Variants in CNTNAP2 observed in about 807,000 individuals in gnomAD.
CNTNAP2 encodes contactin associated protein 2, also known as contactin-associated protein-like 2.
Under a neutral mutation model 155.2 loss-of-function variants are expected in CNTNAP2, and 98 were observed. That is an observed-to-expected ratio of 0.63 (90% CI 0.54 to 0.75). The LOEUF (loss-of-function observed/expected upper bound fraction) is 0.75. Ranked by LOEUF, CNTNAP2 falls within the 30% of genes least tolerant of loss-of-function variation. The probability of loss-of-function intolerance (pLI) is 0.00; values close to 1 mark genes in which losing one functional copy is unlikely to be tolerated. For synonymous variants in CNTNAP2, 651 were observed against 631.2 expected (o/e 1.03, Z -0.47); for missense variants, 1,727 against 1,688.1 (o/e 1.02, Z -0.40).
intron 14 of CNTNAP2, among the ~76,000 whole-genome samples, chr7:147,921,160 G>A (rs935541289): frequency 2.6e-5 from 4 of 151,790 alleles, no homozygotes; most frequent in Admixed American, 6.6e-5. Context: ...TAATGAAGAC[G>A]TTATTTATTT....
chr7:147,860,435 A>C (rs1048738520), intron 13 of CNTNAP2, among the ~76,000 whole-genome samples: 2 of 151,882 alleles, frequency 1.3e-5, no homozygotes, highest in African/African-American at 2.4e-5. Flanking sequence ...ACAACAACAA[A>C]AAAAATTAGC....
intron 13 of CNTNAP2, among the ~76,000 whole-genome samples, chr7:147,772,571 C>G (rs558480202): frequency 6.7e-6 from 1 of 148,220 alleles, no homozygotes; most frequent in Non-Finnish European, 1.5e-5. Flanking sequence ...CTGCACAGTT[C>G]CAGTACGTGA....
chr7:147,824,966 G>A (rs1324681271), intron 13 of CNTNAP2, among the ~76,000 whole-genome samples: 1 of 152,138 alleles, frequency 6.6e-6, no homozygotes, highest in African/African-American at 2.4e-5. Flanking sequence ...GTGGACTCAA[G>A]TAATGGAAAG....
chr7:147,016,421 C>A (rs1226207268), intron 3 of CNTNAP2, among the ~76,000 whole-genome samples: 1 of 151,968 alleles, frequency 6.6e-6, no homozygotes, highest in Admixed American at 6.6e-5. Flanking sequence ...ATGATAGAGT[C>A]TTCTGTAGAA....
chr7:146,525,569 T>TATCTATC (rs1439822838), intron 1 of CNTNAP2, among the ~76,000 whole-genome samples: 3 of 142,182 alleles, frequency 2.1e-5, no homozygotes, highest in Admixed American at 2.0e-4. Flanking sequence ...TCTATCTATC[T>TATCTATC]ATCTATCTCT....
chr7:148,018,656 C>T (rs75351691), intron 15 of CNTNAP2, among the ~76,000 whole-genome samples: 5,825 of 152,216 alleles, frequency 0.038, 241 homozygotes, highest in East Asian at 0.24. Flanking sequence ...GCAAAAGTGA[C>T]CGGGATCAAG....
chr7:147,860,782 T>C (rs1341946680), intron 13 of CNTNAP2, among the ~76,000 whole-genome samples: 4 of 152,146 alleles, frequency 2.6e-5, no homozygotes, highest in Non-Finnish European at 4.4e-5. Context: ...AGGTCATTCA[T>C]GGCAGTGTGA....
rs553598310 is a variant in CNTNAP2 at position 146,933,036 on chromosome 7, C to A, written c.402+93132C>A. Among the ~76,000 whole-genome samples, 994 of 152,158 alleles carry A rather than the reference C, an allele frequency of 6.5e-3. 18 individuals are homozygous for A. Among genetic ancestry groups the A allele is most frequent in the African/African-American group, 0.022 (932 of 41,498 alleles). On this transcript the variant is annotated intron_variant, in intron 3 of 23. Coordinates refer to ENST00000361727, the MANE Select transcript of CNTNAP2 (RefSeq NM_014141.6). ...CCCAAGGTAATTTATAGATTCAATG[C>A]CATCCCCATCAAGCTATCAATGACT... is the stretch of plus-strand genomic sequence containing the variant.
intron 3 of CNTNAP2, among the ~76,000 whole-genome samples, chr7:146,994,813 G>C (rs1228762306): frequency 6.6e-6 from 1 of 151,926 alleles, no homozygotes; most frequent in African/African-American, 2.4e-5. Flanking sequence ...GATGTTTTTG[G>C]TGAACAAATA....
intron 10 of CNTNAP2, among the ~76,000 whole-genome samples, chr7:147,478,524 A>G (rs1798362902): frequency 6.6e-6 from 1 of 152,184 alleles, no homozygotes; most frequent in African/African-American, 2.4e-5. Flanking sequence ...CTCTGTCATG[A>G]AAACCTTTGG....
intron 1 of CNTNAP2, among the ~76,000 whole-genome samples, chr7:146,589,903 T>C (rs539156056): frequency 6.6e-6 from 1 of 152,236 alleles, no homozygotes; most frequent in East Asian, 1.9e-4. Context: ...CCACATAGTA[T>C]ACCAGGAAGA....
chr7:147,482,720 C>A (rs1410121965), intron 10 of CNTNAP2, among the ~76,000 whole-genome samples: 3 of 138,222 alleles, frequency 2.2e-5, no homozygotes, highest in Non-Finnish European at 4.6e-5. Context: ...GATTCCGTCT[C>A]AATAAATAAA....
chr7:147,530,730 C>G (rs1245360620), intron 11 of CNTNAP2, among the ~76,000 whole-genome samples: 1 of 152,128 alleles, frequency 6.6e-6, no homozygotes, highest in Non-Finnish European at 1.5e-5. Flanking sequence ...ACTGACTCCT[C>G]CAAATCTCAT....
intron 22 of CNTNAP2, among the ~76,000 whole-genome samples, chr7:148,407,506 C>A (rs1275547355): frequency 6.6e-6 from 1 of 151,940 alleles, no homozygotes. Context: ...GAATTCAAGA[C>A]CAGCTTGGGC....
chr7:147,234,233 T>C (rs1432008537), intron 8 of CNTNAP2, among the ~76,000 whole-genome samples: 1 of 151,770 alleles, frequency 6.6e-6, no homozygotes, highest in Non-Finnish European at 1.5e-5. Context: ...ATTCTACATA[T>C]CCAGATTACA....
intron 15 of CNTNAP2, among the ~76,000 whole-genome samples, chr7:148,032,894 C>G (rs1183766191): frequency 1.3e-5 from 2 of 152,148 alleles, no homozygotes; most frequent in East Asian, 3.9e-4. Context: ...AAAATTTGAC[C>G]CTTGAATCAT....
chr7:147,108,363 T>C lies in CNTNAP2; in HGVS notation c.754+13T>C. 6.2e-7 allele frequency: 1 copy of C among 1,608,622 alleles called. No homozygotes were observed. On this transcript the variant is annotated intron_variant, in intron 5 of 23. Coordinates refer to ENST00000361727, the MANE Select transcript of CNTNAP2 (RefSeq NM_014141.6). ...AGTTTAAACTTAGGTGTGTTCTGAC[T>C]GTCAGTTCTATTCTTTCCGTTATGG... is the stretch of plus-strand genomic sequence containing the variant.
chr7:148,019,631 A>G (rs1802242280), intron 15 of CNTNAP2, among the ~76,000 whole-genome samples: 1 of 151,802 alleles, frequency 6.6e-6, no homozygotes, highest in African/African-American at 2.4e-5. Context: ...TATTTTTTAT[A>G]TTTTTAGTAG....
chr7:148,341,494 C>T (rs1020623347), intron 21 of CNTNAP2, among the ~76,000 whole-genome samples: 1 of 151,902 alleles, frequency 6.6e-6, no homozygotes, highest in African/African-American at 2.4e-5. Context: ...TGATATTGTC[C>T]CCATCAATTT....
Sources: allele counts gnomAD v4.1 joint callset (sites outside exome capture counted in the v4.1 genomes callset), GRCh38; gene constraint gnomAD v4.1.1; transcripts MANE v1.5; gene names NCBI Gene and HGNC (gene_info 2026-07-23, HGNC 2026-07-21).